Variants in SLC6A4 observed in about 807,000 individuals in gnomAD.
SLC6A4 encodes sodium-dependent serotonin transporter.
In SLC6A4, 22 loss-of-function variants were observed where a neutral mutation model predicts 73.4. The ratio of observed to expected loss-of-function variants is 0.30; its 90% CI spans 0.21 to 0.43. The LOEUF is 0.43. Ranked by LOEUF, SLC6A4 falls within the 20% of genes least tolerant of loss-of-function variation. The pLI, the probability that SLC6A4 is intolerant of heterozygous loss-of-function variation, is 1.00. For missense variants in SLC6A4, 593 were observed against 808.5 expected, an observed-to-expected ratio of 0.73 and a Z score of 3.23; for synonymous variants, 270 against 315.5, an observed-to-expected ratio of 0.86 and a Z score of 1.53.
intron 14 of SLC6A4, among the ~76,000 whole-genome samples, chr17:30,201,102 C>A (rs2143013203): frequency 6.6e-6 from 1 of 152,188 alleles, no homozygotes; most frequent in South Asian, 2.1e-4. Flanking sequence ...GTTTAACTTG[C>A]CTTAGTCCAG....
chr17:30,224,973 T>A (rs1170732730), intron 1 of SLC6A4, among the ~76,000 whole-genome samples: 15 of 152,176 alleles, frequency 9.9e-5, no homozygotes, highest in Non-Finnish European at 1.5e-5. Context: ...ACAGAGGTCT[T>A]GTTTCCTGAA....
chr17:30,222,693 C>A, intron 2 of SLC6A4, 126 bp downstream of exon 2: 1 of 780,644 alleles, frequency 1.3e-6, no homozygotes, highest in East Asian at 6.3e-5. Context: ...GTCTTTTAGC[C>A]CCTAGGAAGG....
chr17:30,214,959 CT>C (rs1906516130), intron 8 of SLC6A4, among the ~76,000 whole-genome samples: 1 of 149,234 alleles, frequency 6.7e-6, no homozygotes, highest in Non-Finnish European at 1.5e-5. Flanking sequence ...TCTTTCTTTC[CT>C]TCCTTCTTTC....
chr17:30,198,875 C>A lies in SLC6A4; in HGVS notation c.1819-345G>T, dbSNP rs555779373. Among the ~76,000 whole-genome samples the A allele has an allele frequency of 5.9e-5, 9 of 152,264 alleles. No individual in the cohort carries two copies. In the South Asian group the frequency reaches 1.9e-3, roughly 32 times the overall value. ...TACCCTTTTCTCTGGACAGAGGAGA[C>A]TTCTGCGGCCACAAAGGGCTTGGGG... On this transcript the variant is annotated intron_variant, in intron 14 of 14. Transcript: ENST00000650711.
At chr17:30,199,615 T>C (rs567969547) in intron 14 of SLC6A4, among the ~76,000 whole-genome samples, 1 of 152,276 alleles carries the variant, frequency 6.6e-6, no homozygotes, top group Admixed American at 6.5e-5. Context: ...AAATGCACTA[T>C]AGGGCAAAAT....
Position 30,197,453 on chromosome 17 carries a change from T to G in SLC6A4, c.*1003A>C, listed in dbSNP as rs1428701297. 6.6e-6 allele frequency: 1 copy of G among 152,388 alleles called. No individual in the cohort carries two copies. The highest frequency in any genetic ancestry group is 6.5e-5 in the Admixed American group (1 of 15,272). 9.4% of individuals were successfully genotyped at this position (152,388 alleles called of 1,614,324 possible). The stretch of plus-strand genomic sequence containing the variant: ...AGCAAAGCAACCTGGACAGTCAAAC[T>G]CAGTCACGTAAGGCAGACAGAACTT... On this transcript the variant is annotated 3_prime_UTR_variant, in exon 15 of 15. Coordinates refer to ENST00000650711, the MANE Select transcript of SLC6A4 (RefSeq NM_001045.6).
intron 6 of SLC6A4, 52 bp downstream of exon 6, chr17:30,217,114 G>C: frequency 1.9e-6 from 3 of 1,566,044 alleles, no homozygotes; most frequent in East Asian, 2.2e-5. Flanking sequence ...TTGAGTTTGA[G>C]AGCCTGTGGG....
At chr17:30,209,336 T>A in intron 11 of SLC6A4, 94 bp from the exon 12 acceptor site, 1 of 779,988 alleles carries the variant, frequency 1.3e-6, no homozygotes, top group Non-Finnish European at 2.1e-6. Context: ...TTAGAATCAT[T>A]CTGGAAAAAT....
chr17:30,206,262 A>AC (rs1906193223), intron 13 of SLC6A4: 1 of 151,204 alleles, frequency 6.6e-6, no homozygotes, highest in African/African-American at 2.4e-5. Context: ...AAAAAAACAC[A>AC]AAAAAAACAA....
rs200689237 is a variant in SLC6A4, at chr17:30,195,764, G to C, written c.*2692C>G. The C allele has an allele frequency of 1.3e-5, 2 of 150,810 alleles. No individual in the cohort carries two copies. The highest frequency in any genetic ancestry group is 4.9e-5 in the African/African-American group (2 of 41,076). The allele number at this position is 150,810 out of a possible 1,614,324, so 9.3% of individuals were successfully genotyped here. A position where few individuals can be genotyped will look rare whatever the true frequency, so the allele number is the denominator to read the frequency against. On this transcript the variant is annotated 3_prime_UTR_variant, in exon 15 of 15. Transcript: ENST00000650711. ...GGAAGGGGCAATACTATGGAAAATA[G>C]AAAAAGAAGACTTAAAGCTTCAGAA...
chr17:30,204,464 A>G (rs893466671), intron 13 of SLC6A4: 1 of 152,086 alleles, frequency 6.6e-6, no homozygotes, highest in African/African-American at 2.4e-5. Flanking sequence ...CCGGCTATGA[A>G]GAAAGATGGT....
rs898385821 is a variant in SLC6A4, at chr17:30,211,593, C to T, written c.1205-169G>A. On this transcript the variant is annotated intron_variant, in intron 9 of 14. Coordinates refer to ENST00000650711, the MANE Select transcript of SLC6A4 (RefSeq NM_001045.6). This position sits in a 1 kb window ranked among gnomAD's most constrained non-coding sequence, Gnocchi z 4.0. ...CGTCCTCACACTCTACTCCGTCTGA[C>T]GTGGCCACCCCAGTTCCTGGGAGGC... 2.0e-5 allele frequency among the ~76,000 whole-genome samples: 3 copies of T among 152,232 alleles called. No individual in the cohort carries two copies. The highest frequency in any genetic ancestry group is 1.9e-4 in the East Asian group (1 of 5,194).
intron 3 of SLC6A4, among the ~76,000 whole-genome samples, chr17:30,221,030 G>A (rs1277439424): frequency 6.9e-6 from 1 of 145,014 alleles, no homozygotes; most frequent in Non-Finnish European, 1.5e-5. Flanking sequence ...AGGCTGGAGT[G>A]CAGTGGTGCC....
At chr17:30,229,388 A>G (rs561806282) in intron 1 of SLC6A4, among the ~76,000 whole-genome samples, 1 of 152,290 alleles carries the variant, frequency 6.6e-6, no homozygotes, top group Admixed American at 6.5e-5. Context: ...GTGCTACACG[A>G]CGGCTTAGGG....
At chr17:30,228,172 C>T (rs1042463722) in intron 1 of SLC6A4, among the ~76,000 whole-genome samples, 1 of 152,218 alleles carries the variant, frequency 6.6e-6, no homozygotes, top group Admixed American at 6.5e-5. Context: ...TTCAGGTCTG[C>T]ACTGGAATCC....
intron 9 of SLC6A4, among the ~76,000 whole-genome samples, chr17:30,212,329 C>T (rs1392443525): frequency 1.3e-5 from 2 of 152,218 alleles, no homozygotes; most frequent in Admixed American, 6.5e-5. Flanking sequence ...TTGCCCTGTC[C>T]CTGCATGGCC....
chr17:30,215,542 C>T, intron 8 of SLC6A4, 69 bp downstream of exon 8: 2 of 1,301,326 alleles, frequency 1.5e-6, no homozygotes, highest in Non-Finnish European at 1.1e-6. Flanking sequence ...GTCCAATCAC[C>T]TTCCTCCACA....
At chr17:30,215,528 G>A (rs28914829) in intron 8 of SLC6A4, 83 bp downstream of exon 8, 30,891 of 1,137,790 alleles carry the variant, frequency 0.027, 534 homozygotes, top group Non-Finnish European at 0.035. Context: ...ATTCGAGGCC[G>A]TCGGTCCAAT....
chr17:30,210,146 A>G (rs1906338578), intron 11 of SLC6A4, among the ~76,000 whole-genome samples: 1 of 152,198 alleles, frequency 6.6e-6, no homozygotes, highest in Non-Finnish European at 1.5e-5. Context: ...GGAGGAGACC[A>G]AGCGGCATTA....
Sources: gnomAD v4.1 joint callset for allele counts (sites outside exome capture counted in the v4.1 genomes callset) on GRCh38, gnomAD v4.1.1 for gene constraint, Gnocchi (gnomAD v3.1) non-coding constraint, MANE v1.5 for transcripts, NCBI Gene and HGNC (gene_info 2026-07-23, HGNC 2026-07-21) for gene names.